Variants in FAM53B observed in about 807,000 individuals in gnomAD.
FAM53B encodes the protein family with sequence similarity 53 member B.
A neutral mutation model predicts 32.7 loss-of-function variants in FAM53B; 12 were observed. The observed-to-expected ratio is 0.37, with a 90% CI of 0.24 to 0.59. FAM53B has a LOEUF of 0.59. Ranked by LOEUF, FAM53B falls within the 20% of genes least tolerant of loss-of-function variation. The probability of loss-of-function intolerance (pLI) is 0.72; values close to 1 mark genes in which losing one functional copy is unlikely to be tolerated. For missense variants in FAM53B, 477 were observed against 577.7 expected (o/e 0.83, Z 1.79); for synonymous variants, 234 against 228.7 (o/e 1.02, Z -0.21).
chr10:124,633,195 C>T (rs929482008), intron 4 of FAM53B, among the ~76,000 whole-genome samples: 1 of 130,914 alleles, frequency 7.6e-6, no homozygotes, highest in African/African-American at 3.1e-5. Context: ...GCCAGCAACA[C>T]AAAAGATAAA....
chr10:124,718,445 C>T (rs1040396563), intron 1 of FAM53B, among the ~76,000 whole-genome samples: 1 of 152,220 alleles, frequency 6.6e-6, no homozygotes, highest in African/African-American at 2.4e-5. Flanking sequence ...ACCACACATT[C>T]GAGAATGCCA....
At chr10:124,673,598 C>T (rs879316647) in intron 4 of FAM53B, among the ~76,000 whole-genome samples, 2 of 152,210 alleles carry the variant, frequency 1.3e-5, no homozygotes, top group Non-Finnish European at 2.9e-5. Flanking sequence ...ACCTGGATCC[C>T]TCCTCCAGGT....
chr10:124,697,541 G>T (rs1255544543), intron 2 of FAM53B, among the ~76,000 whole-genome samples: 2 of 152,124 alleles, frequency 1.3e-5, no homozygotes, highest in Admixed American at 1.3e-4. Context: ...ATCCCACGGG[G>T]TTACTAAGGG....
intron 4 of FAM53B, among the ~76,000 whole-genome samples, chr10:124,669,239 T>C (rs1367879779): frequency 6.6e-6 from 1 of 152,224 alleles, no homozygotes; most frequent in Non-Finnish European, 1.5e-5. Flanking sequence ...ACGCGCACTG[T>C]CCACACACCT....
intron 4 of FAM53B, among the ~76,000 whole-genome samples, chr10:124,652,801 G>A (rs976069306): frequency 5.3e-5 from 8 of 152,160 alleles, no homozygotes; most frequent in South Asian, 2.1e-4. Flanking sequence ...CCCAGGGAAC[G>A]GCCGAGCAAA....
chr10:124,725,447 G>C (rs1472410162), intron 1 of FAM53B, among the ~76,000 whole-genome samples: 1 of 152,236 alleles, frequency 6.6e-6, no homozygotes, highest in Non-Finnish European at 1.5e-5. Flanking sequence ...TGATTTCAGG[G>C]CACCTGAAAC....
At chr10:124,657,696 TCTA>T (rs1949602620) in intron 4 of FAM53B, among the ~76,000 whole-genome samples, 1 of 152,258 alleles carries the variant, frequency 6.6e-6, no homozygotes, top group South Asian at 2.1e-4. Context: ...GTTTGTGCCC[TCTA>T]CTAACAAGAA....
At position 124,689,146 on chromosome 10, in the gene FAM53B, C is replaced by T. The variant is rs889266399; in HGVS notation, c.134-6767G>A. On this transcript the variant is annotated intron_variant, in intron 3 of 4. Coordinates refer to ENST00000337318, the MANE Select transcript of FAM53B (RefSeq NM_014661.4). ...GGGTTGTGCTAACTTGGCCTCAGGG[C>T]CACAAAGATTCTATGCTTGGTTTGG... Among the ~76,000 whole-genome samples the T allele has an allele frequency of 7.9e-5, 12 of 152,264 alleles. 1 individual carries two copies. The highest frequency in any genetic ancestry group is 6.5e-4 in the Admixed American group (10 of 15,294).
At chr10:124,690,964 G>C (rs1949829165) in intron 3 of FAM53B, among the ~76,000 whole-genome samples, 1 of 152,088 alleles carries the variant, frequency 6.6e-6, no homozygotes, top group Admixed American at 6.5e-5. Context: ...ACCAAAAATT[G>C]GGCCTGAGAA....
rs1465875786 is a variant in FAM53B, at chr10:124,651,616, C to A, written c.907-28012G>T. On this transcript the variant is annotated intron_variant, in intron 4 of 4. Coordinates refer to ENST00000337318, the MANE Select transcript of FAM53B (RefSeq NM_014661.4). The surrounding 1 kb of genome is among the most constrained non-coding windows in gnomAD (Gnocchi z 5.2). ...TCCCCTGCCACCCCCACCTCCGAGACAGTGAGGCCCAGCGGCCTCCTCATT... is the reference window on the plus strand; with the variant it reads ...TCCCCTGCCACCCCCACCTCCGAGAAAGTGAGGCCCAGCGGCCTCCTCATT... 1.3e-5 allele frequency among the ~76,000 whole-genome samples: 2 copies of A among 152,204 alleles called. No individual in the cohort carries two copies. Among genetic ancestry groups the A allele is most frequent in the Admixed American group, 6.5e-5 (1 of 15,288 alleles).
chr10:124,644,231 T>G (rs1390489070), intron 4 of FAM53B, among the ~76,000 whole-genome samples: 1 of 152,156 alleles, frequency 6.6e-6, no homozygotes, highest in Non-Finnish European at 1.5e-5. Context: ...AAAATGCTGG[T>G]AAGGAGAGCT....
At chr10:124,650,913 G>A (rs1949551838) in intron 4 of FAM53B, among the ~76,000 whole-genome samples, 1 of 152,064 alleles carries the variant, frequency 6.6e-6, no homozygotes, top group South Asian at 2.1e-4. Context: ...CCTTCAACGA[G>A]AATGAAAACA....
intron 1 of FAM53B, among the ~76,000 whole-genome samples, chr10:124,714,713 C>T (rs1054712844): frequency 1.4e-5 from 2 of 140,164 alleles, no homozygotes; most frequent in African/African-American, 2.6e-5. Flanking sequence ...GAGCCAAGAT[C>T]GTGCCACTGC....
intron 4 of FAM53B, chr10:124,667,236 G>GT: frequency 1.8e-6 from 1 of 566,372 alleles, no homozygotes; most frequent in Non-Finnish European, 3.1e-6. Flanking sequence ...GGAAATGATA[G>GT]TATTTTGGAA....
rs962574778 is a variant in FAM53B, at chr10:124,725,224, C to A, written c.-174-18337G>T. The stretch of plus-strand genomic sequence containing the variant: ...AAACCCCCAAATGAGAGGAAACCAC[C>A]ACTAAGCACTTAGATGTGAGCATGG... On this transcript the variant is annotated intron_variant, in intron 1 of 4. Coordinates refer to ENST00000337318, the MANE Select transcript of FAM53B (RefSeq NM_014661.4). Among the ~76,000 whole-genome samples the A allele has an allele frequency of 4.6e-5, 7 of 152,198 alleles. No individual in the cohort carries two copies. In the South Asian group the frequency reaches 8.3e-4, roughly 18 times the overall value.
intron 3 of FAM53B, among the ~76,000 whole-genome samples, chr10:124,686,395 A>G (rs1949803480): frequency 6.6e-6 from 1 of 152,166 alleles, no homozygotes. Context: ...GTCAGTTTTT[A>G]ACTGTGAAGA....
In FAM53B at chr10:124,732,218, C is replaced by T. The variant is rs1036371829; in HGVS notation, c.-175+11795G>A. Among the ~76,000 whole-genome samples, 7 of 152,230 alleles carry T rather than the reference C, an allele frequency of 4.6e-5. No homozygotes were observed. In the South Asian group the frequency reaches 8.3e-4, roughly 18 times the overall value. ...TCCAGCTCTCGCCTGTGCCTACACT[C>T]AGGGCTAAAAATTCAGCCCTGTCTC... On this transcript the variant is annotated intron_variant, in intron 1 of 4. Transcript: ENST00000337318.
At chr10:124,698,914 A>T (rs1949893574) in intron 2 of FAM53B, among the ~76,000 whole-genome samples, 1 of 152,156 alleles carries the variant, frequency 6.6e-6, no homozygotes, top group Non-Finnish European at 1.5e-5. Flanking sequence ...ATATGAGCCA[A>T]CCTGAGTACC....
intron 1 of FAM53B, among the ~76,000 whole-genome samples, chr10:124,730,180 TC>T (rs774485962): frequency 6.6e-6 from 1 of 152,222 alleles, no homozygotes; most frequent in Non-Finnish European, 1.5e-5. Context: ...ACCATGTATT[TC>T]CCATTCCAGC....
Sources: allele counts gnomAD v4.1 joint callset (sites outside exome capture counted in the v4.1 genomes callset), GRCh38; gene constraint gnomAD v4.1.1; non-coding constraint Gnocchi (gnomAD v3.1); transcripts MANE v1.5; gene names NCBI Gene and HGNC (gene_info 2026-07-23, HGNC 2026-07-21).